The following STK24 variants were observed in gnomAD, a reference collection of about 807,000 sequenced individuals.
The protein encoded by STK24 is serine/threonine kinase 24, also known as serine/threonine-protein kinase 24.
STK24 carries 21 observed loss-of-function variants against 55.6 expected under a neutral mutation model. The ratio of observed to expected loss-of-function variants is 0.38; its 90% CI spans 0.27 to 0.54. The LOEUF (loss-of-function observed/expected upper bound fraction) is 0.54, where lower values mean the gene tolerates loss of function less well. Ranked by LOEUF, STK24 falls within the 20% of genes least tolerant of loss-of-function variation. The pLI is 0.79. For synonymous variants in STK24, 200 were observed against 215.2 expected, an observed-to-expected ratio of 0.93 and a Z score of 0.62; for missense variants, 383 against 538.4, an observed-to-expected ratio of 0.71 and a Z score of 2.86.
chr13:98,526,850 G>A lies in STK24; in HGVS notation c.43-7377C>T, dbSNP rs574272354. Among the ~76,000 whole-genome samples the A allele has an allele frequency of 2.1e-4, 32 of 152,266 alleles. 1 individual carries two copies. Among genetic ancestry groups the A allele is most frequent in the African/African-American group, 7.0e-4 (29 of 41,538 alleles). ...ATCAGCTTCATGGCCCATCCCAGTA[G>A]TGCGGGTGTAGAACACGTTATTCAG... On this transcript the variant is annotated intron_variant, in intron 1 of 10. Transcript: ENST00000539966.
At position 98,479,243 on chromosome 13, in the gene STK24, C is replaced by T. The variant is rs76772231; in HGVS notation, c.330+3022G>A. On this transcript the variant is annotated intron_variant, in intron 3 of 10. Coordinates refer to ENST00000539966, the MANE Select transcript of STK24 (RefSeq NM_001032296.4). The stretch of plus-strand genomic sequence containing the variant: ...TTCAAGCTATATTCCAAGAGCCCAG[C>T]GGCCTTGGGATCATATAGACACTTA... Among the ~76,000 whole-genome samples the T allele has an allele frequency of 5.5e-3, 840 of 152,296 alleles. 2 individuals carry two copies. Among genetic ancestry groups the T allele is most frequent in the Middle Eastern group, 0.024 (7 of 294 alleles).
rs775122454 is a variant in STK24 at position 98,448,242 on chromosome 13, G to A, written c.*4931C>T. On this transcript the variant is annotated 3_prime_UTR_variant, in exon 11 of 11. Transcript: ENST00000539966. The stretch of plus-strand genomic sequence containing the variant: ...TGGCGTTCCCGTGTTGCAGGTGGAT[G>A]GAAGTGATCCGCAGTGCCACCAGCT... The A allele has an allele frequency of 4.3e-6, 7 of 1,613,716 alleles. No homozygotes were observed. Among genetic ancestry groups the A allele is most frequent in the African/African-American group, 4.0e-5 (3 of 74,928 alleles).
rs560001110 is a variant in STK24 at position 98,453,012 on chromosome 13, G to A, written c.*161C>T. On this transcript the variant is annotated 3_prime_UTR_variant, in exon 11 of 11. Coordinates refer to ENST00000539966, the MANE Select transcript of STK24 (RefSeq NM_001032296.4). ...AGAGACTTCATCTGGCTGCAGCACA[G>A]TGAAGACTGTGTGTGTCCCTGGACG... 1 of 681,280 alleles carries A rather than the reference G, an allele frequency of 1.5e-6. No individual in the cohort carries two copies. The highest frequency in any genetic ancestry group is 2.5e-6 in the Non-Finnish European group (1 of 405,570). 42.2% of individuals were successfully genotyped at this position (681,280 alleles called of 1,614,324 possible). A position where few individuals can be genotyped will look rare whatever the true frequency, so the allele number is the denominator to read the frequency against.
rs143119391 is a variant in STK24 at position 98,519,165 on chromosome 13, A to G, written c.273+78T>C. 3.9e-4 allele frequency: 457 copies of G among 1,174,688 alleles called. 6 individuals are homozygous for G. The East Asian group carries it at 7.9e-3, about 20-fold the overall frequency. The allele number at this position is 1,174,688 out of a possible 1,614,324, so 72.8% of individuals were successfully genotyped here. A position where few individuals can be genotyped will look rare whatever the true frequency, so the allele number is the denominator to read the frequency against. ...TCTGAAACCTGCTGTGCTTTGTCCT[A>G]TCAGAGTCCTTCCCATTCCCTGCTG... is the stretch of plus-strand genomic sequence containing the variant. On this transcript the variant is annotated intron_variant, in intron 2 of 10. Coordinates refer to ENST00000539966, the MANE Select transcript of STK24 (RefSeq NM_001032296.4).
intron 7 of STK24, 93 bp downstream of exon 7, chr13:98,463,598 A>G: frequency 7.0e-7 from 1 of 1,419,846 alleles, no homozygotes; most frequent in South Asian, 1.4e-5. Flanking sequence ...AAAAAAAAAA[A>G]ACTCAACAGA....
At chr13:98,488,620 A>T (rs1169603964) in intron 2 of STK24, among the ~76,000 whole-genome samples, 2 of 151,936 alleles carry the variant, frequency 1.3e-5, no homozygotes, top group Non-Finnish European at 2.9e-5. Flanking sequence ...GCTTCTGGTA[A>T]TTTTTGCTTA....
chr13:98,553,017 C>A (rs1473759531), intron 1 of STK24, among the ~76,000 whole-genome samples: 1 of 152,130 alleles, frequency 6.6e-6, no homozygotes, highest in Non-Finnish European at 1.5e-5. Flanking sequence ...ACGTACCACT[C>A]TGGCACAGGA....
intron 1 of STK24, among the ~76,000 whole-genome samples, chr13:98,550,121 C>G (rs1378853358): frequency 6.6e-6 from 1 of 152,234 alleles, no homozygotes; most frequent in East Asian, 1.9e-4. Context: ...TTTGATGACT[C>G]AATTCAATAC....
intron 2 of STK24, among the ~76,000 whole-genome samples, chr13:98,486,806 T>C (rs771198235): frequency 1.3e-5 from 2 of 152,204 alleles, no homozygotes; most frequent in Non-Finnish European, 2.9e-5. Flanking sequence ...GCTTACACAC[T>C]GAAACTCCTG....
rs539344590 is a variant in STK24, at chr13:98,502,235, C to T, written c.273+17008G>A. Among the ~76,000 whole-genome samples, 9 of 152,274 alleles carry T rather than the reference C, an allele frequency of 5.9e-5. No individual in the cohort carries two copies. In the South Asian group the frequency reaches 1.9e-3, roughly 32 times the overall value. On this transcript the variant is annotated intron_variant, in intron 2 of 10. Transcript: ENST00000539966. Reference sequence around the variant, plus strand: ...CACCAAAGAAGTTCTGGGTGCAGGGCCACATCTGCTATGTTCCTATCTGCG... The same window carrying T: ...CACCAAAGAAGTTCTGGGTGCAGGGTCACATCTGCTATGTTCCTATCTGCG...
chr13:98,501,268 C>T (rs886501454), intron 2 of STK24, among the ~76,000 whole-genome samples: 4 of 152,190 alleles, frequency 2.6e-5, no homozygotes, highest in African/African-American at 9.6e-5. Context: ...TCGCCCTGAA[C>T]CTGCACACTC....
intron 8 of STK24, 26 bp downstream of exon 8, chr13:98,461,748 G>A (rs1314614198): frequency 7.5e-6 from 12 of 1,610,376 alleles, no homozygotes; most frequent in South Asian, 1.1e-5. Flanking sequence ...AGGTCAGCGT[G>A]GCCATTCTGG....
chr13:98,541,992 C>G (rs569268596), intron 1 of STK24, among the ~76,000 whole-genome samples: 1 of 152,296 alleles, frequency 6.6e-6, no homozygotes, highest in Non-Finnish European at 1.5e-5. Flanking sequence ...TGGCACAGAT[C>G]AAAGGACACA....
Position 98,447,865 on chromosome 13 carries a change from AAAGG to A in STK24, c.*5304_*5307del, listed in dbSNP as rs375703109. The A allele has an allele frequency of 2.2e-3, 496 of 220,994 alleles. 3 individuals carry two copies. Among genetic ancestry groups the A allele is most frequent in the African/African-American group, 0.01 (453 of 43,252 alleles). The allele number at this position is 220,994 out of a possible 1,614,324, so 13.7% of individuals were successfully genotyped here. Reference sequence around the variant, plus strand: ...GTCTCAAAAAAAAAAGAAAAAGAAAAAAGGAAGGGAGAGCTTCCACTAAGCAGGA... The same window carrying A: ...GTCTCAAAAAAAAAAGAAAAAGAAAAAAGGGAGAGCTTCCACTAAGCAGGA... On this transcript the variant is annotated 3_prime_UTR_variant, in exon 11 of 11. Coordinates refer to ENST00000539966, the MANE Select transcript of STK24 (RefSeq NM_001032296.4).
chr13:98,543,309 A>G (rs1487456337), intron 1 of STK24, among the ~76,000 whole-genome samples: 1 of 152,172 alleles, frequency 6.6e-6, no homozygotes, highest in East Asian at 1.9e-4. Context: ...CGGCTCTCTC[A>G]GTACAACTCA....
At chr13:98,516,848 C>T (rs1370665796) in intron 2 of STK24, among the ~76,000 whole-genome samples, 1 of 152,180 alleles carries the variant, frequency 6.6e-6, no homozygotes, top group African/African-American at 2.4e-5. Flanking sequence ...CGGCAGTTGA[C>T]GTTACAATAA....
rs115360411 is a variant in STK24, at chr13:98,475,013, C to T, written c.440-35G>A. 1.3e-3 allele frequency: 2,082 copies of T among 1,578,010 alleles called. 16 individuals carry two copies. In the African/African-American group the frequency reaches 0.022, roughly 16 times the overall value. On this transcript the variant is annotated intron_variant, in intron 4 of 10. Coordinates refer to ENST00000539966, the MANE Select transcript of STK24 (RefSeq NM_001032296.4). ...AAAGCCAAGGCGGCCCTGGGCGGTG[C>T]GGACTTACAACTCCGTGCACTGCCA... is the stretch of plus-strand genomic sequence containing the variant.
rs1407417529 is a variant in STK24, at chr13:98,446,715, T to A, written c.*6458A>T. 2 of 1,613,844 alleles carry A rather than the reference T, an allele frequency of 1.2e-6. No homozygotes were observed. The highest frequency in any genetic ancestry group is 2.7e-5 in the African/African-American group (2 of 74,832). ...CCTCTGCTCGGCTACTCGCTCACCA[T>A]CCCCTCTGAGTCCGAGAACATCCAG... On this transcript the variant is annotated 3_prime_UTR_variant, in exon 11 of 11. Coordinates refer to ENST00000539966, the MANE Select transcript of STK24 (RefSeq NM_001032296.4).
Position 98,523,974 on chromosome 13 carries a change from G to C in STK24, c.43-4501C>G, listed in dbSNP as rs371645490. Among the ~76,000 whole-genome samples the C allele has an allele frequency of 1.2e-4, 18 of 152,154 alleles. 2 individuals carry two copies. Among genetic ancestry groups the C allele is most frequent in the African/African-American group, 4.1e-4 (17 of 41,520 alleles). ...TCTTTGAAGAGGAGTCTCTGTGGCC[G>C]CCCCACTCTTCCTGTCCCACAATTC... On this transcript the variant is annotated intron_variant, in intron 1 of 10. Transcript: ENST00000539966.
Sources: gnomAD v4.1 joint callset for allele counts (sites outside exome capture counted in the v4.1 genomes callset) on GRCh38, gnomAD v4.1.1 for gene constraint, MANE v1.5 for transcripts, NCBI Gene and HGNC (gene_info 2026-07-23, HGNC 2026-07-21) for gene names.